TTC12: variants seen among roughly 807,000 people sequenced by gnomAD.
TTC12 encodes tetratricopeptide repeat domain 12.
Under a neutral mutation model 90.1 loss-of-function variants are expected in TTC12, and 70 were observed. The ratio of observed to expected loss-of-function variants is 0.78; its 90% CI spans 0.64 to 0.95. TTC12 has a LOEUF of 0.95. TTC12 is among the 40% of genes least tolerant of loss of function. The pLI is 0.00. For synonymous variants in TTC12, 296 were observed against 311.5 expected (o/e 0.95, Z 0.53); for missense variants, 819 against 846.1 (o/e 0.97, Z 0.40).
At chr11:113,353,689 A>G (rs1287834996) in intron 16 of TTC12, among the ~76,000 whole-genome samples, 1 of 152,206 alleles carries the variant, frequency 6.6e-6, no homozygotes, top group Non-Finnish European at 1.5e-5. Context: ...ATGACTAGCC[A>G]GTTTCCCCAG....
intron 13 of TTC12, among the ~76,000 whole-genome samples, chr11:113,347,399 A>G (rs903169264): frequency 7.2e-5 from 11 of 152,188 alleles, no homozygotes; most frequent in Non-Finnish European, 1.5e-4. Context: ...AGCAGTTTTC[A>G]TTATTTTTAA....
intron 6 of TTC12, among the ~76,000 whole-genome samples, chr11:113,327,902 G>T (rs1380345332): frequency 5.9e-5 from 9 of 152,176 alleles, no homozygotes; most frequent in South Asian, 2.1e-4. Context: ...AGCACCACTC[G>T]CAGCTTCCTT....
chr11:113,368,612 A>G (rs780806853), downstream of TTC12: 7 of 991,866 alleles, frequency 7.1e-6, no homozygotes, highest in Non-Finnish European at 1.1e-5. Flanking sequence ...CTGTCTTCAT[A>G]CATGACGTGA....
At chr11:113,367,866 C>T (rs1304114847), downstream of TTC12, among the ~76,000 whole-genome samples, 3 of 151,680 alleles carry the variant, frequency 2.0e-5, no homozygotes, top group East Asian at 1.9e-4. Context: ...AGGACCTGCC[C>T]ATCAGTCCTA....
chr11:113,333,775 A>C (rs1168935306), intron 7 of TTC12, among the ~76,000 whole-genome samples: 1 of 152,196 alleles, frequency 6.6e-6, no homozygotes, highest in African/African-American at 2.4e-5. Context: ...GATATACACA[A>C]AAGTGTATCT....
Position 113,325,547 on chromosome 11 carries a change from G to A in TTC12, c.346G>A (p.Ala116Thr), listed in dbSNP as rs782079129. 29 of 1,613,822 alleles carry A rather than the reference G, an allele frequency of 1.8e-5. No individual in the cohort carries two copies. The Admixed American group carries it at 4.5e-4, about 25-fold the overall frequency. The change falls in exon 6 of 22, where the codon GCA becomes ACA. Residue 116 changes from alanine to threonine, a missense_variant. Physicochemically the swap from Ala to Thr is moderately conservative, Grantham distance 58 (BLOSUM62 0). Transcript: ENST00000529221. ...ADALKEKGNEAFAEGNYETAI... is the reference protein window; with the variant it reads ...ADALKEKGNETFAEGNYETAI... Reference sequence around the variant, plus strand: ...AGCCCTAAAAGAAAAAGGGAATGAAGCATTTGCTGAAGGCAATTATGAAAC... The same window carrying A: ...AGCCCTAAAAGAAAAAGGGAATGAAACATTTGCTGAAGGCAATTATGAAAC...
chr11:113,355,777 T>A (rs1555152243), intron 16 of TTC12, among the ~76,000 whole-genome samples: 1 of 152,240 alleles, frequency 6.6e-6, no homozygotes, highest in Non-Finnish European at 1.5e-5. Context: ...TTATATAGTT[T>A]TGAGTTCATT....
At chr11:113,363,199 TGA>T (rs1464700473) in intron 19 of TTC12, among the ~76,000 whole-genome samples, 1 of 152,142 alleles carries the variant, frequency 6.6e-6, no homozygotes, top group Admixed American at 6.5e-5. Flanking sequence ...GGGGTGACAC[TGA>T]GGGGGCAGCA....
intron 2 of TTC12, among the ~76,000 whole-genome samples, chr11:113,318,942 C>T (rs1444263176): frequency 2.0e-5 from 3 of 152,066 alleles, no homozygotes; most frequent in Admixed American, 2.0e-4. Flanking sequence ...TCAATTCCAT[C>T]TAATTTATGT....
downstream of TTC12, among the ~76,000 whole-genome samples, chr11:113,371,071 C>A (rs1319098445): frequency 6.6e-6 from 1 of 152,106 alleles, no homozygotes; most frequent in Non-Finnish European, 1.5e-5. Context: ...ATCAAAGGCA[C>A]AGCAAGATAG....
chr11:113,318,038 G>A (rs781798447), intron 2 of TTC12, among the ~76,000 whole-genome samples: 21 of 152,096 alleles, frequency 1.4e-4, no homozygotes, highest in Admixed American at 6.6e-4. Context: ...TTTGAAATGC[G>A]GCTTGTTTCA....
At chr11:113,364,092 T>C (rs1441305692) in intron 20 of TTC12, among the ~76,000 whole-genome samples, 165 bp downstream of exon 20, 1 of 152,230 alleles carries the variant, frequency 6.6e-6, no homozygotes, top group Non-Finnish European at 1.5e-5. Flanking sequence ...TCTGAAAGCA[T>C]TTAATTAACC....
At chr11:113,361,728 A>G (rs541024763) in intron 18 of TTC12, among the ~76,000 whole-genome samples, 68 of 152,232 alleles carry the variant, frequency 4.5e-4, no homozygotes, top group Non-Finnish European at 5.1e-4. Context: ...GCCCAAACAT[A>G]TTTTCTTGCT....
intron 2 of TTC12, among the ~76,000 whole-genome samples, chr11:113,322,874 GGCT>G (rs1324636974): frequency 1.2e-4 from 19 of 152,166 alleles, no homozygotes; most frequent in Admixed American, 1.2e-3. Flanking sequence ...TAGGGTTAAG[GGCT>G]GCTGTTTTGC....
At chr11:113,334,341 A>G (rs1327851087) in intron 7 of TTC12, among the ~76,000 whole-genome samples, 4 of 152,120 alleles carry the variant, frequency 2.6e-5, no homozygotes, top group Non-Finnish European at 2.9e-5. Context: ...AGTTTCAGCC[A>G]TAAGTTTCAA....
chr11:113,338,531 T>G (rs552615040), intron 8 of TTC12, among the ~76,000 whole-genome samples: 6 of 152,238 alleles, frequency 3.9e-5, no homozygotes, highest in Non-Finnish European at 7.3e-5. Context: ...TGGATATTTT[T>G]CATCATGAGC....
At chr11:113,334,562 G>A (rs1007766018) in intron 7 of TTC12, among the ~76,000 whole-genome samples, 1 of 151,878 alleles carries the variant, frequency 6.6e-6, no homozygotes, top group East Asian at 1.9e-4. Context: ...CACCTAGAGA[G>A]CTTAAAAAAT....
intron 2 of TTC12, among the ~76,000 whole-genome samples, chr11:113,322,870 T>A (rs1947426494): frequency 6.6e-6 from 1 of 152,166 alleles, no homozygotes; most frequent in South Asian, 2.1e-4. Flanking sequence ...AGGATAGGGT[T>A]AAGGGCTGCT....
intron 19 of TTC12, 40 bp downstream of exon 19, chr11:113,362,542 G>C (rs782434411): frequency 2.3e-5 from 30 of 1,327,922 alleles, no homozygotes; most frequent in Non-Finnish European, 3.1e-5. Flanking sequence ...GAAATGTACA[G>C]AAGTCTCCTA....
Sources: gnomAD v4.1 joint callset for allele counts (sites outside exome capture counted in the v4.1 genomes callset) on GRCh38, gnomAD v4.1.1 for gene constraint, MANE v1.5 for transcripts, NCBI Gene and HGNC (gene_info 2026-07-23, HGNC 2026-07-21) for gene names.